The following CD101 variants were observed in gnomAD, a reference collection of about 807,000 sequenced individuals.
CD101 encodes immunoglobulin superfamily member 2.
In CD101, 76 loss-of-function variants were observed where a neutral mutation model predicts 98.2. The ratio of observed to expected loss-of-function variants is 0.77; its 90% CI spans 0.64 to 0.94. CD101 has a LOEUF of 0.94. Among genes scored for constraint, CD101 ranks in the 40% least tolerant of loss-of-function variants. The probability of loss-of-function intolerance (pLI) is 0.00; values close to 1 mark genes in which losing one functional copy is unlikely to be tolerated. For synonymous variants in CD101, 471 were observed against 472.7 expected (o/e 1.00, Z 0.05); for missense variants, 1,145 against 1,218.8 (o/e 0.94, Z 0.90).
chr1:117,014,504 C>A (rs530945430), intron 4 of CD101, among the ~76,000 whole-genome samples: 1 of 152,082 alleles, frequency 6.6e-6, no homozygotes, highest in Non-Finnish European at 1.5e-5. Flanking sequence ...TCTGCATGCA[C>A]GGAACTGAGG....
chr1:117,034,113 C>T lies in CD101; in HGVS notation c.*12C>T, dbSNP rs111277178. 4 of 1,613,532 alleles carry T rather than the reference C, an allele frequency of 2.5e-6. No individual in the cohort carries two copies. Among genetic ancestry groups the T allele is most frequent in the African/African-American group, 2.7e-5 (2 of 74,966 alleles). ...ATGAAGGCAACTGAATCCCAAGAGG[C>T]ACCTGCAGCCAGGAAGGAAAGGTGG... On this transcript the variant is annotated 3_prime_UTR_variant, in exon 9 of 10. Coordinates refer to ENST00000682167, the MANE Select transcript of CD101 (RefSeq NM_001256106.3).
intron 9 of CD101, among the ~76,000 whole-genome samples, chr1:117,035,291 A>G (rs1654741538): frequency 1.3e-5 from 2 of 152,202 alleles, no homozygotes; most frequent in African/African-American, 4.8e-5. Context: ...GTTAATTTGC[A>G]TTTCCAAGGA....
At position 117,021,670 on chromosome 1, in the gene CD101, A is replaced by T; in HGVS notation, c.2115A>T (p.Gly705=). ...GTAGCATCTTGTCCCGGTCCAATGG[A>T]AACCTTCAGTTAGCCATTATTTGGT... ...IECSILSRSN[G]NLQLAIIWYF... Residue 705 remains glycine, a synonymous_variant, in exon 7 of 10, where the codon GGA becomes GGT. Transcript: ENST00000682167. This position sits in a 1 kb window ranked among gnomAD's most constrained non-coding sequence, Gnocchi z 4.7. 6.2e-7 allele frequency: 1 copy of T among 1,614,092 alleles called. No homozygotes were observed. Among genetic ancestry groups the T allele is most frequent in the Non-Finnish European group, 8.5e-7 (1 of 1,179,956 alleles).
intron 1 of CD101, among the ~76,000 whole-genome samples, chr1:117,009,097 C>T (rs1652720290): frequency 6.6e-6 from 1 of 152,200 alleles, no homozygotes; most frequent in Non-Finnish European, 1.5e-5. Flanking sequence ...AGACCTAATA[C>T]TTCAGATTTG....
chr1:117,016,078 A>G (rs1653196541), intron 4 of CD101, among the ~76,000 whole-genome samples: 1 of 151,836 alleles, frequency 6.6e-6, no homozygotes, highest in African/African-American at 2.4e-5. Flanking sequence ...ATGGTTTTAC[A>G]CTGTAGTTTA....
In CD101 at chr1:117,014,462, T is replaced by C. The variant is rs137923764; in HGVS notation, c.1228+670T>C. Among the ~76,000 whole-genome samples, 99 of 152,250 alleles carry C rather than the reference T, an allele frequency of 6.5e-4. 1 individual carries two copies. The East Asian group carries it at 0.018, about 27-fold the overall frequency. On this transcript the variant is annotated intron_variant, in intron 4 of 9. Transcript: ENST00000682167. Reference sequence around the variant, plus strand: ...CCATCCTCTGCATTTTGCTGTGATGTGGTGAGACGCCGGTCCAAATGGTTC... The same window carrying C: ...CCATCCTCTGCATTTTGCTGTGATGCGGTGAGACGCCGGTCCAAATGGTTC...
intron 5 of CD101, 150 bp downstream of exon 5, chr1:117,017,623 T>A: frequency 1.3e-6 from 1 of 748,684 alleles, no homozygotes; most frequent in Non-Finnish European, 2.1e-6. Context: ...CTCTGTCAAT[T>A]AATCTTTAAA....
rs551655748 is a variant in CD101, at chr1:117,010,380, C to T, written c.424+150C>T. 4.4e-4 allele frequency: 321 copies of T among 736,900 alleles called. No individual in the cohort carries two copies. The highest frequency in any genetic ancestry group is 6.4e-4 in the Non-Finnish European group (293 of 460,464). 45.6% of individuals were successfully genotyped at this position (736,900 alleles called of 1,614,324 possible). ...CCCTGTGGATATTTTGGAGATATGTCACAAGTGGGTATCTCATATTCTCTA... is the reference window on the plus strand; with the variant it reads ...CCCTGTGGATATTTTGGAGATATGTTACAAGTGGGTATCTCATATTCTCTA... On this transcript the variant is annotated intron_variant, in intron 2 of 9. Coordinates refer to ENST00000682167, the MANE Select transcript of CD101 (RefSeq NM_001256106.3). This position sits in a 1 kb window ranked among gnomAD's most constrained non-coding sequence, Gnocchi z 5.2.
Position 117,013,405 on chromosome 1 carries a change from G to A in CD101, c.842-1G>A, listed in dbSNP as rs1185048637. ...ATACCTGCCTTGCTTTTGTTTCCCA[G>A]TGAAAGATTTTCAAGTCAACATTAC... On this transcript the variant is annotated splice_acceptor_variant, in intron 3 of 9. Transcript: ENST00000682167. LOFTEE classifies it high-confidence loss of function. 6.2e-7 allele frequency: 1 copy of A among 1,601,322 alleles called. No homozygotes were observed. Among genetic ancestry groups the A allele is most frequent in the Non-Finnish European group, 8.5e-7 (1 of 1,171,926 alleles).
rs1379332982 is a variant in CD101, at chr1:117,025,545, A to C, written c.2465A>C (p.Glu822Ala). Residue 822 changes from glutamate to alanine, a missense_variant, in exon 8 of 10, where the codon GAA becomes GCA. Transcript: ENST00000682167. ...CGTGTCTCCAAAGTGTACTGGACCG[A>C]AAATGTGACTGAGCACAGAGAAGTG... ...KVRVSKVYWT[E>A]NVTEHREVAI... 4 of 1,601,218 alleles carry C rather than the reference A, an allele frequency of 2.5e-6. No individual in the cohort carries two copies. In the Admixed American group the frequency reaches 6.8e-5, roughly 27 times the overall value.
rs368881987 is a variant in CD101, at chr1:117,034,138, G to A, written c.*33+4G>A. On this transcript the variant is annotated splice_donor_region_variant and intron_variant, in intron 9 of 9. Transcript: ENST00000682167. Reference sequence around the variant, plus strand: ...CACCTGCAGCCAGGAAGGAAAGGTGGGGGCTTTTTAATTGGGCTAACCAGG... The same window carrying A: ...CACCTGCAGCCAGGAAGGAAAGGTGAGGGCTTTTTAATTGGGCTAACCAGG... The A allele has an allele frequency of 3.4e-5, 54 of 1,609,064 alleles. No individual in the cohort carries two copies. The highest frequency in any genetic ancestry group is 6.8e-5 in the Admixed American group (4 of 59,194).
In CD101 at chr1:117,022,116, C is replaced by T. The variant is rs1161076658; in HGVS notation, c.2428+133C>T. 2.0e-6 allele frequency: 2 copies of T among 1,001,656 alleles called. No homozygotes were observed. Among genetic ancestry groups the T allele is most frequent in the African/African-American group, 1.6e-5 (1 of 61,734 alleles). The allele number at this position is 1,001,656 out of a possible 1,614,324, so 62.0% of individuals were successfully genotyped here. ...GTCATAGGAACAGTATCTACCTACA[C>T]ATGACTGCAAGACCGAGTAGTCCAC... On this transcript the variant is annotated intron_variant, in intron 7 of 9. Coordinates refer to ENST00000682167, the MANE Select transcript of CD101 (RefSeq NM_001256106.3). The surrounding 1 kb of genome is among the most constrained non-coding windows in gnomAD (Gnocchi z 4.8).
At chr1:117,008,194 G>T (rs1652653986) in intron 1 of CD101, among the ~76,000 whole-genome samples, 1 of 152,198 alleles carries the variant, frequency 6.6e-6, no homozygotes, top group African/African-American at 2.4e-5. Flanking sequence ...GCTGAGCGCA[G>T]TGGCTCACAC....
chr1:117,011,981 A>G lies in CD101; in HGVS notation c.841+15A>G, dbSNP rs1267301316. Reference sequence around the variant, plus strand: ...CCAGCCAGCAGGTAATTATCTTCCTACGAAATTCATTAATACACTAGTATT... The same window carrying G: ...CCAGCCAGCAGGTAATTATCTTCCTGCGAAATTCATTAATACACTAGTATT... On this transcript the variant is annotated intron_variant, in intron 3 of 9. Transcript: ENST00000682167. 1.2e-6 allele frequency: 2 copies of G among 1,601,656 alleles called. No individual in the cohort carries two copies. The highest frequency in any genetic ancestry group is 2.7e-5 in the African/African-American group (2 of 74,582).
Position 117,034,115 on chromosome 1 carries a change from C to CCG in CD101, c.*15_*16insGC. On this transcript the variant is annotated 3_prime_UTR_variant, in exon 9 of 10. Coordinates refer to ENST00000682167, the MANE Select transcript of CD101 (RefSeq NM_001256106.3). Reference sequence around the variant, plus strand: ...GAAGGCAACTGAATCCCAAGAGGCACCTGCAGCCAGGAAGGAAAGGTGGGG... The same window carrying CCG: ...GAAGGCAACTGAATCCCAAGAGGCACCGCTGCAGCCAGGAAGGAAAGGTGGGG... 1 of 1,613,504 alleles carries CCG rather than the reference C, an allele frequency of 6.2e-7. No homozygotes were observed. Among genetic ancestry groups the CCG allele is most frequent in the Non-Finnish European group, 8.5e-7 (1 of 1,179,870 alleles).
At chr1:117,009,107 G>A (rs1190234975) in intron 1 of CD101, among the ~76,000 whole-genome samples, 2 of 152,142 alleles carry the variant, frequency 1.3e-5, no homozygotes, top group African/African-American at 4.8e-5. Flanking sequence ...CTTCAGATTT[G>A]TTCTAATAGA....
In CD101 at chr1:117,025,749, C is replaced by T. The variant is rs1443668547; in HGVS notation, c.2669C>T (p.Thr890Ile). ...CTGCACTGTTACCGTTCATCCTCTA[C>T]AGACTTTGTCCTGAAGCTTCATCAG... ...RHLHCYRSSSTDFVLKLHQVE... is the reference protein window; with the variant it reads ...RHLHCYRSSSIDFVLKLHQVE... The change falls in exon 8 of 10, where the codon ACA becomes ATA. Residue 890 changes from threonine to isoleucine, a missense_variant. Physicochemically the swap from Thr to Ile is moderately conservative, Grantham distance 89. Coordinates refer to ENST00000682167, the MANE Select transcript of CD101 (RefSeq NM_001256106.3). The T allele has an allele frequency of 2.5e-6, 4 of 1,614,084 alleles. No individual in the cohort carries two copies. Among genetic ancestry groups the T allele is most frequent in the Non-Finnish European group, 8.5e-7 (1 of 1,180,036 alleles).
chr1:117,029,719 A>G (rs1371599995), intron 8 of CD101, among the ~76,000 whole-genome samples: 1 of 152,232 alleles, frequency 6.6e-6, no homozygotes, highest in Non-Finnish European at 1.5e-5. Flanking sequence ...CAAATATAAT[A>G]TGCTACCTAT....
rs139509193 is a variant in CD101 at position 117,034,075 on chromosome 1, G to C, written c.3040G>C (p.Asp1014His). The change falls in exon 9 of 10, where the codon GAC (aspartate) becomes CAC (histidine). Residue 1014 changes from aspartate to histidine, a missense_variant. Physicochemically the swap from Asp to His is moderately conservative, Grantham distance 81. Transcript: ENST00000682167. ...AGGTGTGACCACAAATAGGAGGGAAGACGAGGAGGAAGATGAAGGCAACTG... is the reference window on the plus strand; with the variant it reads ...AGGTGTGACCACAAATAGGAGGGAACACGAGGAGGAAGATGAAGGCAACTG... ...AGGVTTNRRE[D>H]EEEDEGN The C allele has an allele frequency of 2.5e-5, 40 of 1,614,074 alleles. No homozygotes were observed. The African/African-American group carries it at 4.8e-4, about 19-fold the overall frequency.
Sources: gnomAD v4.1 joint callset for allele counts (sites outside exome capture counted in the v4.1 genomes callset) on GRCh38, gnomAD v4.1.1 for gene constraint, Gnocchi (gnomAD v3.1) non-coding constraint, MANE v1.5 for transcripts, NCBI Gene and HGNC (gene_info 2026-07-23, HGNC 2026-07-21) for gene names.